The following MEMO1 variants were observed in gnomAD, a reference collection of about 807,000 sequenced individuals.
The protein encoded by MEMO1 is mediator of cell motility 1.
A neutral mutation model predicts 45.2 loss-of-function variants in MEMO1; 6 were observed. The observed-to-expected ratio is 0.13, with a 90% CI of 0.07 to 0.26. MEMO1 has a LOEUF of 0.26. MEMO1 is among the 10% of genes least tolerant of loss of function. The pLI is 1.00. For missense variants in MEMO1, 184 were observed against 370.5 expected, an observed-to-expected ratio of 0.50 and a Z score of 4.13; for synonymous variants, 78 against 124.3, an observed-to-expected ratio of 0.63 and a Z score of 2.48.
intron 4 of MEMO1, chr2:31,923,609 G>A: frequency 6.6e-7 from 1 of 1,526,074 alleles, no homozygotes. Context: ...TGTTTAGGTA[G>A]CCTGACTAGG....
At chr2:31,917,416 C>T (rs1340037535) in intron 6 of MEMO1, among the ~76,000 whole-genome samples, 2 of 152,100 alleles carry the variant, frequency 1.3e-5, no homozygotes, top group Non-Finnish European at 2.9e-5. Context: ...TGTCCCTGTC[C>T]TCGTTCGGCT....
chr2:31,945,162 G>A (rs1666050717), intron 2 of MEMO1, among the ~76,000 whole-genome samples: 4 of 152,096 alleles, frequency 2.6e-5, no homozygotes, highest in Non-Finnish European at 5.9e-5. Context: ...ACTTGCTTTA[G>A]TAATTCAACA....
chr2:31,919,392 G>A (rs1273276439), intron 5 of MEMO1, among the ~76,000 whole-genome samples: 1 of 152,042 alleles, frequency 6.6e-6, no homozygotes, highest in African/African-American at 2.4e-5. Flanking sequence ...AGCTCAAGCA[G>A]TCTGCCCATC....
At chr2:31,995,807 A>G (rs1672524975) in intron 2 of MEMO1, among the ~76,000 whole-genome samples, 1 of 152,144 alleles carries the variant, frequency 6.6e-6, no homozygotes, top group Non-Finnish European at 1.5e-5. Context: ...CAAGGGATAA[A>G]TTCAAAACTA....
At chr2:31,907,786 AACACACAC>A (rs3065385) in intron 6 of MEMO1, among the ~76,000 whole-genome samples, 493 of 145,406 alleles carry the variant, frequency 3.4e-3, no homozygotes, top group Non-Finnish European at 5.9e-3. Flanking sequence ...CCGTGTCTTA[AACACACAC>A]ACACACACAC....
chr2:31,978,712 G>A (rs1038028191), intron 2 of MEMO1, among the ~76,000 whole-genome samples: 1 of 152,170 alleles, frequency 6.6e-6, no homozygotes, highest in Non-Finnish European at 1.5e-5. Flanking sequence ...AAGCCACCGT[G>A]CCTGGCCTAA....
At chr2:31,982,646 A>C (rs578184629) in intron 2 of MEMO1, among the ~76,000 whole-genome samples, 2 of 152,014 alleles carry the variant, frequency 1.3e-5, no homozygotes, top group Non-Finnish European at 2.9e-5. Flanking sequence ...AAGTTACTTA[A>C]CTTTGGGAAA....
At chr2:31,879,721 T>A (rs1274666082) in intron 8 of MEMO1, among the ~76,000 whole-genome samples, 1 of 152,180 alleles carries the variant, frequency 6.6e-6, no homozygotes, top group Non-Finnish European at 1.5e-5. Context: ...ATACTACATG[T>A]TCAAAATCCA....
rs191703348 is a variant in MEMO1, at chr2:31,953,107, A to G, written c.62-9724T>C. On this transcript the variant is annotated intron_variant, in intron 2 of 9. Transcript: ENST00000404530. ...ATTTCTGGCCGGCACGGTGTCTCAC[A>G]CCTGTAATCCCAGCACTTTGGGAGG... 2.9e-3 allele frequency among the ~76,000 whole-genome samples: 444 copies of G among 152,230 alleles called. 1 individual carries two copies. Among genetic ancestry groups the G allele is most frequent in the Non-Finnish European group, 4.6e-3 (315 of 68,004 alleles).
At chr2:31,927,085 C>A (rs968305318) in intron 4 of MEMO1, among the ~76,000 whole-genome samples, 2 of 152,104 alleles carry the variant, frequency 1.3e-5, no homozygotes, top group African/African-American at 4.8e-5. Context: ...AATCCCCGCA[C>A]TTTGAGAGGC....
At chr2:31,927,899 TAATTA>T (rs1399487499) in intron 4 of MEMO1, among the ~76,000 whole-genome samples, 2 of 152,160 alleles carry the variant, frequency 1.3e-5, no homozygotes, top group African/African-American at 4.8e-5. Flanking sequence ...TTCAGCTTTT[TAATTA>T]AATTTTTAGC....
intron 2 of MEMO1, among the ~76,000 whole-genome samples, chr2:31,990,456 T>A (rs1671806065): frequency 6.6e-6 from 1 of 152,032 alleles, no homozygotes; most frequent in Non-Finnish European, 1.5e-5. Context: ...GTGTTTTTGG[T>A]TTTTTCTTTT....
chr2:31,890,943 C>T (rs1188746515), intron 7 of MEMO1, among the ~76,000 whole-genome samples: 1 of 152,120 alleles, frequency 6.6e-6, no homozygotes, highest in Admixed American at 6.5e-5. Context: ...TAATCTGTAC[C>T]ATTACAAAAG....
At position 31,890,438 on chromosome 2, in the gene MEMO1, C is replaced by G. The variant is rs563873179; in HGVS notation, c.580+1554G>C. 2.0e-5 allele frequency among the ~76,000 whole-genome samples: 3 copies of G among 152,132 alleles called. No homozygotes were observed. The East Asian group carries it at 5.8e-4, about 29-fold the overall frequency. ...GTAATGATACTTAAGTTTTCAAGGT[C>G]ACTTATTACATTTCAAAATTCCACA... On this transcript the variant is annotated intron_variant, in intron 7 of 9. Transcript: ENST00000404530.
chr2:31,875,638 A>G (rs1237512349), intron 8 of MEMO1, among the ~76,000 whole-genome samples: 1 of 151,986 alleles, frequency 6.6e-6, no homozygotes, highest in Non-Finnish European at 1.5e-5. Context: ...CCAAGTTACT[A>G]TCATCTCTCC....
intron 2 of MEMO1, among the ~76,000 whole-genome samples, chr2:32,001,849 A>G (rs1010311185): frequency 6.6e-6 from 1 of 152,250 alleles, no homozygotes; most frequent in East Asian, 1.9e-4. Flanking sequence ...AGATTATTGT[A>G]ACAATTAAAA....
In MEMO1 at chr2:31,993,949, CTTTTTTTTT is replaced by C. The variant is rs397800267; in HGVS notation, c.61+16229_61+16237del. 7.7e-4 allele frequency among the ~76,000 whole-genome samples: 57 copies of C among 73,598 alleles called. 1 individual carries two copies. Among genetic ancestry groups the C allele is most frequent in the Middle Eastern group, 0.019 (2 of 106 alleles). 48.3% of individuals were successfully genotyped at this position (73,598 alleles called of 152,430 possible). A position where few individuals can be genotyped will look rare whatever the true frequency, so the allele number is the denominator to read the frequency against. On this transcript the variant is annotated intron_variant, in intron 2 of 9. Coordinates refer to ENST00000404530, the MANE Select transcript of MEMO1 (RefSeq NM_001301833.4). ...AATACAGAAATATCATCAATACTTT[CTTTTTTTTT>C]TTTTTTTTTTTTTTTTTTTTGAGAC...
intron 6 of MEMO1, among the ~76,000 whole-genome samples, chr2:31,892,391 A>G (rs1454566185): frequency 6.6e-6 from 1 of 152,192 alleles, no homozygotes; most frequent in Non-Finnish European, 1.5e-5. Flanking sequence ...TAGGTAAAAA[A>G]AGCTATTTTA....
At chr2:31,915,784 G>C (rs1681349351) in intron 6 of MEMO1, among the ~76,000 whole-genome samples, 2 of 152,106 alleles carry the variant, frequency 1.3e-5, no homozygotes, top group African/African-American at 4.8e-5. Context: ...ACCGGAGCAA[G>C]GTGTTCTCTG....
Sources: gnomAD v4.1 joint callset for allele counts (sites outside exome capture counted in the v4.1 genomes callset) on GRCh38, gnomAD v4.1.1 for gene constraint, MANE v1.5 for transcripts, NCBI Gene and HGNC (gene_info 2026-07-23, HGNC 2026-07-21) for gene names.